RBL1: variants seen among roughly 807,000 people sequenced by gnomAD.
RBL1 encodes RB transcriptional corepressor like 1.
A neutral mutation model predicts 123.0 loss-of-function variants in RBL1; 82 were observed. The ratio of observed to expected loss-of-function variants is 0.67; its 90% CI spans 0.56 to 0.80. The LOEUF is 0.80. Ranked by LOEUF, RBL1 falls within the 30% of genes least tolerant of loss-of-function variation. The pLI, the probability that RBL1 is intolerant of heterozygous loss-of-function variation, is 0.00. For synonymous variants in RBL1, 405 were observed against 441.3 expected, an observed-to-expected ratio of 0.92 and a Z score of 1.03; for missense variants, 1,171 against 1,299.6, an observed-to-expected ratio of 0.90 and a Z score of 1.52.
chr20:37,056,060 A>G, intron 10 of RBL1, 86 bp downstream of exon 10: 1 of 1,499,380 alleles, frequency 6.7e-7, no homozygotes, highest in Non-Finnish European at 8.8e-7. Flanking sequence ...AAATAAGAAT[A>G]ACGGGAGAGG....
At position 37,044,244 on chromosome 20, in the gene RBL1, C is replaced by G; in HGVS notation, c.1612G>C (p.Glu538Gln). The change falls in exon 13 of 22, where the codon GAG becomes CAG. Residue 538 changes from glutamate (E) to glutamine (Q), a missense_variant. Physicochemically the swap from Glu to Gln is conservative, Grantham distance 29. Coordinates refer to ENST00000373664, the MANE Select transcript of RBL1 (RefSeq NM_002895.5). ...LQPFYFYKVI[E>Q]VVIRSEEGLS... ...CCCTCTTCTGAGCGGATCACCACCT[C>G]AATAACCTGCAGAGGAGAAAGTGAG... 1 of 1,613,608 alleles carries G rather than the reference C, an allele frequency of 6.2e-7. No individual in the cohort carries two copies. Among genetic ancestry groups the G allele is most frequent in the Non-Finnish European group, 8.5e-7 (1 of 1,179,830 alleles).
At position 37,040,782 on chromosome 20, in the gene RBL1, T is replaced by C. The variant is rs549019245; in HGVS notation, c.1771-497A>G. Reference sequence around the variant, plus strand: ...TGGAAAGAGTTCATTTCATTTAACCTTATAATTTATATAGGTAAGTTACCA... The same window carrying C: ...TGGAAAGAGTTCATTTCATTTAACCCTATAATTTATATAGGTAAGTTACCA... On this transcript the variant is annotated intron_variant, in intron 13 of 21. Transcript: ENST00000373664. 4.6e-5 allele frequency among the ~76,000 whole-genome samples: 7 copies of C among 152,352 alleles called. No homozygotes were observed. The South Asian group carries it at 1.4e-3, about 32-fold the overall frequency.
chr20:37,025,261 T>C (rs977125284), intron 16 of RBL1, among the ~76,000 whole-genome samples: 3 of 152,198 alleles, frequency 2.0e-5, no homozygotes, highest in Non-Finnish European at 4.4e-5. Flanking sequence ...GGCTCACATC[T>C]GTAATCCCAG....
At chr20:37,078,943 T>C (rs760755998) in intron 2 of RBL1, among the ~76,000 whole-genome samples, 12 of 151,900 alleles carry the variant, frequency 7.9e-5, no homozygotes, top group Non-Finnish European at 1.2e-4. Context: ...CTGTCATGGG[T>C]TCCTAGCACT....
intron 1 of RBL1, among the ~76,000 whole-genome samples, chr20:37,093,443 A>G (rs942222005): frequency 6.6e-6 from 1 of 152,164 alleles, no homozygotes; most frequent in Non-Finnish European, 1.5e-5. Flanking sequence ...GTTCAAGACC[A>G]GCTTGGGCAA....
At chr20:37,018,419 T>G (rs1355286571) in intron 18 of RBL1, 50 bp from the exon 19 acceptor site, 13 of 1,542,374 alleles carry the variant, frequency 8.4e-6, no homozygotes, top group Non-Finnish European at 1.1e-5. Context: ...GAGGTACAGG[T>G]TAAACAAAAT....
chr20:37,057,270 C>T (rs888443607), intron 9 of RBL1, among the ~76,000 whole-genome samples: 3 of 152,102 alleles, frequency 2.0e-5, no homozygotes, highest in Non-Finnish European at 4.4e-5. Flanking sequence ...TTTTGAGGAA[C>T]GTCCGTACTG....
In RBL1 at chr20:36,998,552, A is replaced by C; in HGVS notation, c.*207T>G. 1 of 516,852 alleles carries C rather than the reference A, an allele frequency of 1.9e-6. No individual in the cohort carries two copies. Among genetic ancestry groups the C allele is most frequent in the South Asian group, 2.7e-5 (1 of 37,302 alleles). 32.0% of individuals were successfully genotyped at this position (516,852 alleles called of 1,614,324 possible). A position where few individuals can be genotyped will look rare whatever the true frequency, so the allele number is the denominator to read the frequency against. Reference sequence around the variant, plus strand: ...CTATTAGTATTTTTAAAAGGCACTTAAAATATTCCTTTCCAATCCAACTCA... The same window carrying C: ...CTATTAGTATTTTTAAAAGGCACTTCAAATATTCCTTTCCAATCCAACTCA... On this transcript the variant is annotated 3_prime_UTR_variant, in exon 22 of 22. Transcript: ENST00000373664.
At chr20:37,001,722 C>A (rs1166323057) in intron 21 of RBL1, among the ~76,000 whole-genome samples, 3 of 145,250 alleles carry the variant, frequency 2.1e-5, no homozygotes, top group Non-Finnish European at 4.5e-5. Flanking sequence ...TGCCAAATCC[C>A]CCTCTGCGAG....
chr20:37,029,270 A>G (rs1173421466), intron 16 of RBL1, among the ~76,000 whole-genome samples: 1 of 152,192 alleles, frequency 6.6e-6, no homozygotes, highest in East Asian at 1.9e-4. Flanking sequence ...GAGCCCCTGC[A>G]TATACCTGAA....
intron 9 of RBL1, among the ~76,000 whole-genome samples, chr20:37,058,135 CA>C (rs796829143): frequency 0.34 from 42,908 of 125,932 alleles, 8,557 homozygotes; most frequent in African/African-American, 0.55. Flanking sequence ...AAAAACAAAA[CA>C]AAACAAAAAA....
chr20:37,030,312 A>G (rs1029121956), intron 16 of RBL1, among the ~76,000 whole-genome samples: 16 of 152,212 alleles, frequency 1.1e-4, no homozygotes, highest in Admixed American at 8.5e-4. Context: ...CTTTTCAACA[A>G]GGATTCTAAG....
intron 16 of RBL1, among the ~76,000 whole-genome samples, chr20:37,027,361 G>T (rs1051139495): frequency 6.6e-6 from 1 of 152,054 alleles, no homozygotes; most frequent in Admixed American, 6.6e-5. Context: ...AAAAAAGAAT[G>T]ATTAGTAGAG....
chr20:37,069,526 T>C (rs1430839304), intron 2 of RBL1, among the ~76,000 whole-genome samples: 7 of 148,148 alleles, frequency 4.7e-5, no homozygotes, highest in Admixed American at 1.3e-4. Flanking sequence ...TCTGCCCGGC[T>C]GCGACCCCGT....
chr20:37,002,497 C>G (rs2064005070), intron 21 of RBL1, among the ~76,000 whole-genome samples: 1 of 150,688 alleles, frequency 6.6e-6, no homozygotes, highest in Non-Finnish European at 1.5e-5. Flanking sequence ...GTGCCCACCA[C>G]CATGCCCGGC....
intron 1 of RBL1, among the ~76,000 whole-genome samples, chr20:37,089,773 G>C (rs1057515369): frequency 6.6e-6 from 1 of 152,088 alleles, no homozygotes; most frequent in Non-Finnish European, 1.5e-5. Context: ...GGTCACTTAA[G>C]ATTATAATAC....
intron 19 of RBL1, among the ~76,000 whole-genome samples, chr20:37,008,067 G>A (rs1310092706): frequency 6.6e-6 from 1 of 152,184 alleles, no homozygotes; most frequent in Non-Finnish European, 1.5e-5. Flanking sequence ...TGAACTGAAG[G>A]TGGTGCTCTT....
intron 1 of RBL1, among the ~76,000 whole-genome samples, chr20:37,094,546 T>G (rs1330489982): frequency 6.7e-6 from 1 of 148,906 alleles, no homozygotes; most frequent in Non-Finnish European, 1.5e-5. Flanking sequence ...TCCAGCGCCC[T>G]TGGCACATGA....
intron 2 of RBL1, among the ~76,000 whole-genome samples, chr20:37,083,568 C>A (rs1160209584): frequency 7.6e-6 from 1 of 132,120 alleles, no homozygotes; most frequent in African/African-American, 2.9e-5. Context: ...GGATGGATCA[C>A]AAGGTTAGGA....
Sources: allele counts gnomAD v4.1 joint callset (sites outside exome capture counted in the v4.1 genomes callset), GRCh38; gene constraint gnomAD v4.1.1; transcripts MANE v1.5; gene names NCBI Gene and HGNC (gene_info 2026-07-23, HGNC 2026-07-21).